The following DPP6 variants were observed in gnomAD, a reference collection of about 807,000 sequenced individuals.
DPP6 encodes A-type potassium channel modulatory protein DPP6.
In DPP6, 69 loss-of-function variants were observed where a neutral mutation model predicts 122.6. That is an observed-to-expected ratio of 0.56 (90% CI 0.46 to 0.69). DPP6 has a LOEUF of 0.69. Ranked by LOEUF, DPP6 falls within the 30% of genes least tolerant of loss-of-function variation. The probability of loss-of-function intolerance (pLI) is 0.00; values close to 1 mark genes in which losing one functional copy is unlikely to be tolerated. For synonymous variants in DPP6, 418 were observed against 433.1 expected (o/e 0.97, Z 0.43); for missense variants, 928 against 1,116.9 (o/e 0.83, Z 2.41).
intron 5 of DPP6, among the ~76,000 whole-genome samples, chr7:154,599,849 A>T (rs1435962256): frequency 1.3e-5 from 2 of 151,436 alleles, no homozygotes; most frequent in East Asian, 3.9e-4. Context: ...AGCTGACCCC[A>T]CTCCTTCCTT....
At chr7:154,172,917 A>G (rs976914668) in intron 1 of DPP6, among the ~76,000 whole-genome samples, 3 of 152,148 alleles carry the variant, frequency 2.0e-5, no homozygotes, top group African/African-American at 7.2e-5. Context: ...CAGTCTTGAG[A>G]CCACAGTGGT....
At chr7:154,022,518 AAG>A (rs1798752347) in intron 1 of DPP6, among the ~76,000 whole-genome samples, 1 of 152,330 alleles carries the variant, frequency 6.6e-6, no homozygotes, top group East Asian at 1.9e-4. Flanking sequence ...GGTAGAAGAA[AAG>A]AGTTTTAGGC....
At chr7:154,016,677 C>G (rs1188509779) in intron 1 of DPP6, among the ~76,000 whole-genome samples, 1 of 152,132 alleles carries the variant, frequency 6.6e-6, no homozygotes, top group African/African-American at 2.4e-5. Context: ...TGGATATATA[C>G]CCAGCTGAGA....
At chr7:154,026,877 T>A (rs1798979796) in intron 1 of DPP6, 1 of 152,088 alleles carries the variant, frequency 6.6e-6, no homozygotes, top group South Asian at 2.1e-4. Context: ...TTCGGTAATA[T>A]TCTATTTTTA....
intron 10 of DPP6, among the ~76,000 whole-genome samples, chr7:154,781,372 AC>A (rs1190108494): frequency 2.0e-5 from 3 of 151,686 alleles, no homozygotes; most frequent in African/African-American, 7.3e-5. Flanking sequence ...GTTCTCTGTG[AC>A]CCCCTCTCAC....
rs563123182 is a variant in DPP6 at position 154,893,396 on chromosome 7, C to A, written c.*916C>A. On this transcript the variant is annotated 3_prime_UTR_variant, in exon 26 of 26. Transcript: ENST00000377770. The stretch of plus-strand genomic sequence containing the variant: ...CACTGTCTATTTACATCCGTCCTTA[C>A]AACCATCCTTGTCCTCCTTGGTACC... 1 of 136,330 alleles carries A rather than the reference C, an allele frequency of 7.3e-6. No homozygotes were observed. Among genetic ancestry groups the A allele is most frequent in the Admixed American group, 7.9e-5 (1 of 12,684 alleles). The allele number at this position is 136,330 out of a possible 1,614,324, so 8.4% of individuals were successfully genotyped here.
chr7:154,637,936 T>C, intron 6 of DPP6, 63 bp downstream of exon 6: 1 of 1,521,220 alleles, frequency 6.6e-7, no homozygotes, highest in Non-Finnish European at 8.9e-7. Context: ...GGGTAGAACA[T>C]GGACGAGCTG....
intron 1 of DPP6, among the ~76,000 whole-genome samples, chr7:153,942,780 G>A (rs1801758271): frequency 1.3e-5 from 2 of 152,134 alleles, no homozygotes; most frequent in Non-Finnish European, 1.5e-5. Context: ...GTTATGAGAC[G>A]GCTGCCTGTG....
chr7:154,757,724 C>T (rs1001028688), intron 8 of DPP6, among the ~76,000 whole-genome samples: 1 of 152,144 alleles, frequency 6.6e-6, no homozygotes, highest in Non-Finnish European at 1.5e-5. Context: ...TCGTGGTGAG[C>T]GCAGGCACTA....
chr7:154,113,394 C>CAT (rs143477890), intron 1 of DPP6, among the ~76,000 whole-genome samples: 3,238 of 139,450 alleles, frequency 0.023, 23 homozygotes, highest in Non-Finnish European at 0.03. Context: ...TGTTTTCCTA[C>CAT]ATATATATAT....
intron 7 of DPP6, among the ~76,000 whole-genome samples, chr7:154,673,762 G>A (rs950310338): frequency 4.6e-5 from 7 of 152,142 alleles, no homozygotes; most frequent in South Asian, 4.2e-4. Context: ...GTGGTCAGTC[G>A]GGAAACATAA....
At position 154,760,323 on chromosome 7, in the gene DPP6, A is replaced by G. The variant is rs1795454229; in HGVS notation, c.884-9094A>G. Among the ~76,000 whole-genome samples, 1 of 152,030 alleles carries G rather than the reference A, an allele frequency of 6.6e-6. No homozygotes were observed. Among genetic ancestry groups the G allele is most frequent in the African/African-American group, 2.4e-5 (1 of 41,390 alleles). The stretch of plus-strand genomic sequence containing the variant: ...CACAATTATTTCTTCACGATTACTC[A>G]TGGGCTGTGTGTGCAAATTCAGGGG... On this transcript the variant is annotated intron_variant, in intron 8 of 25. Transcript: ENST00000377770. This position sits in a 1 kb window ranked among gnomAD's most constrained non-coding sequence, Gnocchi z 4.5.
intron 1 of DPP6, among the ~76,000 whole-genome samples, chr7:153,984,695 C>T (rs547590038): frequency 5.9e-5 from 9 of 152,230 alleles, no homozygotes; most frequent in Non-Finnish European, 1.2e-4. Flanking sequence ...CCCACTTGTT[C>T]TTCATGAATT....
chr7:154,206,904 C>T (rs1043967075), intron 1 of DPP6, among the ~76,000 whole-genome samples: 1 of 152,120 alleles, frequency 6.6e-6, no homozygotes, highest in Non-Finnish European at 1.5e-5. Context: ...GTGAAGTGCC[C>T]AGTCTTCTTT....
intron 1 of DPP6, among the ~76,000 whole-genome samples, chr7:154,324,643 G>C (rs1381029751): frequency 2.6e-5 from 4 of 152,080 alleles, no homozygotes; most frequent in Non-Finnish European, 4.4e-5. Context: ...GCCTGACGGG[G>C]CACCTTGTTC....
intron 5 of DPP6, among the ~76,000 whole-genome samples, chr7:154,595,349 T>A (rs1174951013): frequency 6.6e-6 from 1 of 152,190 alleles, no homozygotes; most frequent in Admixed American, 6.5e-5. Context: ...GGGAAATGCA[T>A]GCCCGTGTTC....
upstream of DPP6, among the ~76,000 whole-genome samples, chr7:154,051,909 C>T (rs1413231281): frequency 6.6e-6 from 1 of 151,736 alleles, no homozygotes; most frequent in Non-Finnish European, 1.5e-5. Context: ...GTGGCTCTCC[C>T]ACGCCCCATT....
At chr7:154,025,068 G>T (rs1447581639) in intron 1 of DPP6, among the ~76,000 whole-genome samples, 1 of 152,206 alleles carries the variant, frequency 6.6e-6, no homozygotes, top group East Asian at 1.9e-4. Flanking sequence ...CTCTAAAATA[G>T]TGTCAATTCT....
At chr7:154,140,887 T>G (rs1269444819) in intron 1 of DPP6, among the ~76,000 whole-genome samples, 1 of 152,252 alleles carries the variant, frequency 6.6e-6, no homozygotes, top group African/African-American at 2.4e-5. Context: ...CTTCTGGTTC[T>G]CAGGTTTCCA....
Sources: gnomAD v4.1 joint callset for allele counts (sites outside exome capture counted in the v4.1 genomes callset) on GRCh38, gnomAD v4.1.1 for gene constraint, Gnocchi (gnomAD v3.1) non-coding constraint, MANE v1.5 for transcripts, NCBI Gene and HGNC (gene_info 2026-07-23, HGNC 2026-07-21) for gene names.